The following RFWD3 variants were observed in gnomAD, a reference collection of about 807,000 sequenced individuals.
RFWD3 encodes the protein ring finger and WD repeat domain 3.
RFWD3 carries 65 observed loss-of-function variants against 87.7 expected under a neutral mutation model. The observed-to-expected ratio is 0.74, with a 90% CI of 0.61 to 0.91. The LOEUF is 0.91. RFWD3 is among the 40% of genes least tolerant of loss of function. RFWD3 has a pLI of 0.00. For synonymous variants in RFWD3, 433 were observed against 352.8 expected (o/e 1.23, Z -2.55); for missense variants, 1,078 against 938.5 (o/e 1.15, Z -1.94).
chr16:74,659,997 G>T (rs542240157), intron 2 of RFWD3, among the ~76,000 whole-genome samples: 5 of 152,220 alleles, frequency 3.3e-5, no homozygotes, highest in Non-Finnish European at 7.4e-5. Flanking sequence ...CGAGGCTGCA[G>T]TGAGCTGTGA....
At chr16:74,637,788 T>TA (rs1366849093) in intron 7 of RFWD3, 68 bp downstream of exon 7, 39 of 1,134,424 alleles carry the variant, frequency 3.4e-5, no homozygotes, top group Non-Finnish European at 4.8e-5. Context: ...GAGATGAACA[T>TA]AACTAACATT....
chr16:74,666,487 A>C (rs535406259), intron 1 of RFWD3: 24 of 152,210 alleles, frequency 1.6e-4, no homozygotes, highest in African/African-American at 5.8e-4. Flanking sequence ...GCGACCTCCC[A>C]CCCCGGCCAG....
chr16:74,633,933 G>T (rs987043790), intron 8 of RFWD3, among the ~76,000 whole-genome samples: 4 of 150,566 alleles, frequency 2.7e-5, no homozygotes, highest in African/African-American at 7.3e-5. Flanking sequence ...CAGCCCGGGA[G>T]ATCACACCCC....
At chr16:74,657,214 T>C (rs1597454741) in intron 2 of RFWD3, among the ~76,000 whole-genome samples, 1 of 152,222 alleles carries the variant, frequency 6.6e-6, no homozygotes, top group African/African-American at 2.4e-5. Context: ...TGGTTTTTAC[T>C]ATGATTACAG....
At chr16:74,650,380 G>A (rs549135947) in intron 3 of RFWD3, among the ~76,000 whole-genome samples, 2 of 151,216 alleles carry the variant, frequency 1.3e-5, no homozygotes, top group East Asian at 1.9e-4. Context: ...CAATGGGGGT[G>A]GGGGGCTGGT....
chr16:74,634,608 C>T (rs1249699901), intron 8 of RFWD3, among the ~76,000 whole-genome samples: 1 of 152,226 alleles, frequency 6.6e-6, no homozygotes, highest in East Asian at 1.9e-4. Flanking sequence ...AGACTGGTCT[C>T]ATACTCCTGG....
intron 4 of RFWD3, among the ~76,000 whole-genome samples, chr16:74,645,201 T>C (rs1341342418): frequency 6.6e-6 from 1 of 152,206 alleles, no homozygotes; most frequent in Non-Finnish European, 1.5e-5. Context: ...AGCACTGTTG[T>C]GGGTAAATGA....
intron 12 of RFWD3, 76 bp downstream of exon 12, chr16:74,626,267 A>C (rs1958928720): frequency 7.4e-7 from 1 of 1,354,732 alleles, no homozygotes; most frequent in Non-Finnish European, 1.1e-6. Context: ...TTCTGTAAAA[A>C]AAGTTCATGT....
intron 4 of RFWD3, among the ~76,000 whole-genome samples, chr16:74,645,916 T>C (rs1443118856): frequency 6.6e-6 from 1 of 151,350 alleles, no homozygotes. Flanking sequence ...CCAAGCCCGA[T>C]TTTGTGTATT....
chr16:74,658,287 T>C (rs1052430746), intron 2 of RFWD3, among the ~76,000 whole-genome samples: 9 of 152,232 alleles, frequency 5.9e-5, no homozygotes, highest in Admixed American at 5.9e-4. Context: ...GTGTTATCAA[T>C]ATTTGATGAA....
intron 2 of RFWD3, among the ~76,000 whole-genome samples, chr16:74,653,116 A>G (rs1275125861): frequency 6.6e-6 from 1 of 152,172 alleles, no homozygotes; most frequent in Non-Finnish European, 1.5e-5. Flanking sequence ...AGGTGGGTAA[A>G]CTGCTTGTGC....
intron 4 of RFWD3, among the ~76,000 whole-genome samples, chr16:74,645,562 G>A (rs1960055033): frequency 1.3e-5 from 2 of 151,978 alleles, no homozygotes; most frequent in South Asian, 2.1e-4. Flanking sequence ...CATGTTGGCC[G>A]GGCTGGTCCC....
At chr16:74,643,675 T>C (rs1437560837) in intron 6 of RFWD3, among the ~76,000 whole-genome samples, 1 of 112,736 alleles carries the variant, frequency 8.9e-6, no homozygotes, top group Admixed American at 1.1e-4. Flanking sequence ...AACTGTTTTT[T>C]TTTTTTTTTT....
chr16:74,655,619 GCTCT>G (rs139919392), intron 2 of RFWD3, among the ~76,000 whole-genome samples: 18,946 of 151,488 alleles, frequency 0.13, 1,416 homozygotes, highest in Admixed American at 0.24. Context: ...TTCTGTCTGT[GCTCT>G]CTCTCTTTTT....
chr16:74,660,620 T>G, intron 2 of RFWD3: 2 of 250,138 alleles, frequency 8.0e-6, no homozygotes, highest in Admixed American at 4.9e-5. Context: ...CAGTGAATAA[T>G]GAATTTGGGT....
At chr16:74,661,526 A>G in intron 1 of RFWD3, 75 bp from the exon 2 acceptor site, 2 of 1,282,554 alleles carry the variant, frequency 1.6e-6, no homozygotes, top group Non-Finnish European at 2.1e-6. Flanking sequence ...AATCATATTT[A>G]ATCTTTCTGA....
rs1409201212 is a variant in RFWD3 at position 74,622,757 on chromosome 16, T to C, written c.*1171A>G. The C allele has an allele frequency of 6.6e-6, 1 of 152,120 alleles. No homozygotes were observed. The highest frequency in any genetic ancestry group is 2.4e-5 in the African/African-American group (1 of 41,422). 9.4% of individuals were successfully genotyped at this position (152,120 alleles called of 1,614,324 possible). On this transcript the variant is annotated 3_prime_UTR_variant, in exon 13 of 13. Transcript: ENST00000361070. ...CTGTTGTGGAAGTGGGTTGGCAAAG[T>C]AGTCTGAGGCAAGGCAAAGAAATAC... is the stretch of plus-strand genomic sequence containing the variant.
chr16:74,636,284 C>A, intron 8 of RFWD3, 62 bp downstream of exon 8: 1 of 1,473,778 alleles, frequency 6.8e-7, no homozygotes, highest in South Asian at 1.2e-5. Context: ...TTCCAAAAGG[C>A]AAGGAAATAA....
chr16:74,661,734 G>A (rs1027836622), intron 1 of RFWD3, among the ~76,000 whole-genome samples: 3 of 152,176 alleles, frequency 2.0e-5, no homozygotes, highest in African/African-American at 7.2e-5. Context: ...TATAAACCAA[G>A]GAGATTAAAC....
Sources: allele counts gnomAD v4.1 joint callset (sites outside exome capture counted in the v4.1 genomes callset), GRCh38; gene constraint gnomAD v4.1.1; transcripts MANE v1.5; gene names NCBI Gene and HGNC (gene_info 2026-07-23, HGNC 2026-07-21).